Variants in CA10 observed in about 807,000 individuals in gnomAD.
The protein encoded by CA10 is carbonic anhydrase-related protein 10.
In CA10, 14 loss-of-function variants were observed where a neutral mutation model predicts 44.2. That is an observed-to-expected ratio of 0.32 (90% CI 0.21 to 0.50). The LOEUF is 0.50. Ranked by LOEUF, CA10 falls within the 20% of genes least tolerant of loss-of-function variation. The pLI, the probability that CA10 is intolerant of heterozygous loss-of-function variation, is 0.99. For synonymous variants in CA10, 159 were observed against 141.6 expected, an observed-to-expected ratio of 1.12 and a Z score of -0.87; for missense variants, 350 against 409.7, an observed-to-expected ratio of 0.85 and a Z score of 1.26.
At chr17:51,905,484 C>T (rs1221564772) in intron 3 of CA10, among the ~76,000 whole-genome samples, 1 of 150,666 alleles carries the variant, frequency 6.6e-6, no homozygotes, top group Non-Finnish European at 1.5e-5. Flanking sequence ...TGGCTCTCCT[C>T]CTTACCTGCT....
At chr17:51,998,321 A>T (rs925311772) in intron 2 of CA10, among the ~76,000 whole-genome samples, 1 of 152,110 alleles carries the variant, frequency 6.6e-6, no homozygotes, top group African/African-American at 2.4e-5. Context: ...CAGGTGCTGT[A>T]GATAGCTAGT....
At chr17:51,958,431 T>C (rs1306725685) in intron 2 of CA10, among the ~76,000 whole-genome samples, 1 of 152,158 alleles carries the variant, frequency 6.6e-6, no homozygotes, top group Non-Finnish European at 1.5e-5. Flanking sequence ...GCTACTGGAT[T>C]CATTACCTTT....
At chr17:51,768,239 G>A (rs1369298425) in intron 3 of CA10, among the ~76,000 whole-genome samples, 4 of 149,916 alleles carry the variant, frequency 2.7e-5, no homozygotes, top group Admixed American at 6.7e-5. Flanking sequence ...CATGGCACAC[G>A]ACACTTTCAT....
chr17:51,649,346 G>T, intron 5 of CA10, 92 bp from the exon 6 acceptor site: 1 of 955,496 alleles, frequency 1.0e-6, no homozygotes, highest in Non-Finnish European at 1.7e-6. Flanking sequence ...CATAGTTACT[G>T]AGTATCTACC....
At chr17:51,663,266 C>T (rs77056582) in intron 4 of CA10, among the ~76,000 whole-genome samples, 151,199 of 151,200 alleles carry the variant, frequency 1, 75,599 homozygotes, top group Middle Eastern at 1. Context: ...CCCAGGCCTT[C>T]GCATCCTTCA....
intron 2 of CA10, among the ~76,000 whole-genome samples, chr17:51,934,391 A>G (rs1443468453): frequency 6.6e-6 from 1 of 152,032 alleles, no homozygotes; most frequent in East Asian, 1.9e-4. Flanking sequence ...AGCAGGCTCT[A>G]TACATGAGCA....
intron 3 of CA10, among the ~76,000 whole-genome samples, chr17:51,899,409 G>A (rs1172305735): frequency 6.6e-6 from 1 of 152,084 alleles, no homozygotes; most frequent in Non-Finnish European, 1.5e-5. Flanking sequence ...TTGCACTGGG[G>A]TATGAGAGTG....
intron 4 of CA10, among the ~76,000 whole-genome samples, chr17:51,670,504 CT>C (rs1000519648): frequency 3.3e-5 from 5 of 151,466 alleles, no homozygotes; most frequent in Non-Finnish European, 7.4e-5. Flanking sequence ...TTTTTTCCCC[CT>C]GGAATCTCTG....
chr17:52,152,974 T>A (rs1989734172), intron 1 of CA10, among the ~76,000 whole-genome samples: 1 of 152,130 alleles, frequency 6.6e-6, no homozygotes, highest in Admixed American at 6.5e-5. Context: ...ACTCTTTCTA[T>A]AATGGCTTGC....
intron 2 of CA10, among the ~76,000 whole-genome samples, chr17:51,937,720 C>T (rs1982921847): frequency 6.6e-6 from 1 of 152,062 alleles, no homozygotes; most frequent in South Asian, 2.1e-4. Context: ...GATAGACAAG[C>T]TAACAAATAG....
Position 52,076,189 on chromosome 17 carries a change from C to T in CA10, c.62-3796G>A, listed in dbSNP as rs576655915. 1.2e-4 allele frequency among the ~76,000 whole-genome samples: 18 copies of T among 152,160 alleles called. 1 individual carries two copies. In the South Asian group the frequency reaches 3.3e-3, roughly 28 times the overall value. ...TCCCCTCTAAGGACAACCTATCAGT[C>T]GAACTGAAATATCAATTTAAGAAAC... On this transcript the variant is annotated intron_variant, in intron 1 of 8. Coordinates refer to ENST00000451037, the MANE Select transcript of CA10 (RefSeq NM_020178.5).
chr17:51,632,006 C>T (rs1048468315), intron 8 of CA10, among the ~76,000 whole-genome samples: 1 of 152,110 alleles, frequency 6.6e-6, no homozygotes, highest in Non-Finnish European at 1.5e-5. Context: ...TGACACTGCT[C>T]TAGGCTAGGG....
intron 6 of CA10, among the ~76,000 whole-genome samples, chr17:51,647,761 C>T (rs748031310): frequency 1.2e-4 from 19 of 152,172 alleles, no homozygotes; most frequent in Non-Finnish European, 2.5e-4. Context: ...CTTTTATGGG[C>T]AGTTATAAAT....
chr17:51,831,515 A>C (rs574208940), intron 3 of CA10, among the ~76,000 whole-genome samples: 1 of 152,242 alleles, frequency 6.6e-6, no homozygotes, highest in Admixed American at 6.5e-5. Context: ...TTTTTATCTT[A>C]AAGTTGGTTG....
At chr17:51,960,689 G>C (rs992526744) in intron 2 of CA10, among the ~76,000 whole-genome samples, 6 of 151,946 alleles carry the variant, frequency 3.9e-5, no homozygotes, top group African/African-American at 1.5e-4. Context: ...TCTGATCATA[G>C]CAAAATTAAA....
chr17:51,635,941 A>G lies in CA10; in HGVS notation c.703T>C (p.Tyr235His). 6.2e-7 allele frequency: 1 copy of G among 1,608,950 alleles called. No homozygotes were observed. Among genetic ancestry groups the G allele is most frequent in the Non-Finnish European group, 8.5e-7 (1 of 1,176,180 alleles). ...GGTGGGATAGTCATCGACCCATCGT[A>G]AGTGATGAAACTAGAGGTCTCTGGA... ...LYPETSSFIT[Y>H]DGSMTIPPCY... The change falls in exon 7 of 9, where the codon TAC becomes CAC. Residue 235 changes from tyrosine (Y) to histidine (H), a missense_variant. Tyr to His is a moderately conservative substitution (Grantham distance 83, BLOSUM62 2). Transcript: ENST00000451037.
intron 4 of CA10, among the ~76,000 whole-genome samples, chr17:51,677,335 G>A (rs1914658456): frequency 6.6e-6 from 1 of 152,074 alleles, no homozygotes; most frequent in South Asian, 2.1e-4. Context: ...GATAGTGAGT[G>A]AGTTATCATG....
intron 1 of CA10, among the ~76,000 whole-genome samples, chr17:52,137,573 C>T (rs1398794787): frequency 6.6e-6 from 1 of 152,158 alleles, no homozygotes; most frequent in Non-Finnish European, 1.5e-5. Flanking sequence ...AACTTCTTGA[C>T]TGTCAGCTTT....
intron 1 of CA10, among the ~76,000 whole-genome samples, chr17:52,084,642 C>T (rs1988071954): frequency 6.6e-6 from 1 of 151,952 alleles, no homozygotes; most frequent in South Asian, 2.1e-4. Context: ...TCCATGCAAG[C>T]TTTTCAGCAG....
Sources: gnomAD v4.1 joint callset for allele counts (sites outside exome capture counted in the v4.1 genomes callset) on GRCh38, gnomAD v4.1.1 for gene constraint, MANE v1.5 for transcripts, NCBI Gene and HGNC (gene_info 2026-07-23, HGNC 2026-07-21) for gene names.